Variants in LRRC49 observed in about 807,000 individuals in gnomAD.
LRRC49 encodes leucine-rich repeat-containing protein 49.
Under a neutral mutation model 83.3 loss-of-function variants are expected in LRRC49, and 50 were observed. The observed-to-expected ratio is 0.60, with a 90% CI of 0.48 to 0.76. LRRC49 has a LOEUF of 0.76. LRRC49 is among the 30% of genes least tolerant of loss of function. The pLI is 0.00. For missense variants in LRRC49, 704 were observed against 809.1 expected (o/e 0.87, Z 1.58); for synonymous variants, 286 against 283.3 (o/e 1.01, Z -0.10).
intron 8 of LRRC49, among the ~76,000 whole-genome samples, chr15:70,937,918 G>A (rs969962315): frequency 1.3e-5 from 2 of 152,062 alleles, no homozygotes; most frequent in Admixed American, 1.3e-4. Context: ...TGGGGAGGCA[G>A]AATTTCTTTT....
At chr15:71,011,993 A>G (rs1348930822) in intron 13 of LRRC49, among the ~76,000 whole-genome samples, 1 of 152,114 alleles carries the variant, frequency 6.6e-6, no homozygotes, top group Non-Finnish European at 1.5e-5. Flanking sequence ...GCATTGTGAC[A>G]TGTTTAACAG....
chr15:70,955,511 G>A (rs1596063924), intron 8 of LRRC49, among the ~76,000 whole-genome samples: 1 of 152,292 alleles, frequency 6.6e-6, no homozygotes, highest in Non-Finnish European at 1.5e-5. Context: ...TTGCTCTTAG[G>A]GTCCCAGATT....
chr15:71,032,015 C>T (rs1473160275), intron 14 of LRRC49, among the ~76,000 whole-genome samples: 1 of 152,134 alleles, frequency 6.6e-6, no homozygotes, highest in African/African-American at 2.4e-5. Context: ...TTCTGTCTCA[C>T]TGGGGTTCCA....
intron 8 of LRRC49, among the ~76,000 whole-genome samples, chr15:70,949,599 A>G (rs1596056679): frequency 6.6e-6 from 1 of 152,134 alleles, no homozygotes; most frequent in African/African-American, 2.4e-5. Context: ...AAATCCACCA[A>G]TGCTCCCCAA....
chr15:71,043,166 T>C (rs2039748743), intron 15 of LRRC49, among the ~76,000 whole-genome samples: 1 of 152,214 alleles, frequency 6.6e-6, no homozygotes, highest in African/African-American at 2.4e-5. Context: ...TAATAGAAGA[T>C]GCTTAATCCT....
chr15:70,892,206 A>G (rs2033609036), upstream of LRRC49: 3 of 1,602,870 alleles, frequency 1.9e-6, no homozygotes, highest in Non-Finnish European at 2.6e-6. Context: ...TCCTTGGGAA[A>G]GCGGAACAGC....
chr15:71,029,920 T>A (rs961118725), intron 14 of LRRC49, among the ~76,000 whole-genome samples: 1 of 152,166 alleles, frequency 6.6e-6, no homozygotes, highest in Non-Finnish European at 1.5e-5. Flanking sequence ...TGTCTCTGCA[T>A]GTGAGATGGG....
At chr15:71,006,359 C>G (rs1475277260) in intron 11 of LRRC49, among the ~76,000 whole-genome samples, 1 of 152,120 alleles carries the variant, frequency 6.6e-6, no homozygotes, top group African/African-American at 2.4e-5. Flanking sequence ...GGAGCAACAT[C>G]ATTTCCCAAA....
intron 11 of LRRC49, among the ~76,000 whole-genome samples, chr15:70,995,483 G>C (rs563504199): frequency 1.3e-5 from 2 of 152,252 alleles, no homozygotes; most frequent in South Asian, 4.1e-4. Flanking sequence ...AGAGAGATCC[G>C]TTGAAGCCAT....
At chr15:70,882,989 C>T in intron 2 of LRRC49, 6 of 1,456,426 alleles carry the variant, frequency 4.1e-6, no homozygotes, top group African/African-American at 1.4e-5. Flanking sequence ...AGTAGTAAGA[C>T]AGTATAGCTG....
chr15:70,896,864 T>C (rs2033862313), intron 3 of LRRC49, among the ~76,000 whole-genome samples: 1 of 152,188 alleles, frequency 6.6e-6, no homozygotes, highest in Non-Finnish European at 1.5e-5. Context: ...ATCTTTTCTC[T>C]TTCCTACATT....
intron 1 of LRRC49, among the ~76,000 whole-genome samples, chr15:70,856,744 T>C (rs1350235188): frequency 1.3e-5 from 2 of 152,172 alleles, no homozygotes; most frequent in Non-Finnish European, 2.9e-5. Context: ...CAGTGAGGCT[T>C]AGAGGGAAGG....
chr15:71,023,239 A>G (rs963669140), intron 14 of LRRC49, among the ~76,000 whole-genome samples: 2 of 152,248 alleles, frequency 1.3e-5, no homozygotes, highest in African/African-American at 4.8e-5. Context: ...TCTCACCAAG[A>G]TAGCAAAAGA....
intron 14 of LRRC49, among the ~76,000 whole-genome samples, chr15:71,013,219 G>A (rs1348985414): frequency 6.6e-6 from 1 of 152,116 alleles, no homozygotes; most frequent in Non-Finnish European, 1.5e-5. Flanking sequence ...TCACAAAGGA[G>A]AAAACATTTT....
At chr15:70,892,693 C>G, upstream of LRRC49, 1 of 1,458,206 alleles carries the variant, frequency 6.9e-7, no homozygotes, top group Non-Finnish European at 9.0e-7. Flanking sequence ...TGGTGACGCA[C>G]TGGGCTCTCA....
At chr15:70,890,995 A>G (rs1344102781), upstream of LRRC49, among the ~76,000 whole-genome samples, 1 of 152,182 alleles carries the variant, frequency 6.6e-6, no homozygotes, top group Non-Finnish European at 1.5e-5. Context: ...TTAAATACCC[A>G]CCCCAATGTA....
intron 9 of LRRC49, among the ~76,000 whole-genome samples, chr15:70,979,188 A>T (rs1272136475): frequency 6.6e-6 from 1 of 152,108 alleles, no homozygotes; most frequent in Non-Finnish European, 1.5e-5. Flanking sequence ...TATAACCTTT[A>T]AAAAAATTGC....
chr15:71,047,043 T>C lies in LRRC49; in HGVS notation c.1858-2366T>C, dbSNP rs1483105433. On this transcript the variant is annotated intron_variant, in intron 15 of 15. Transcript: ENST00000260382. ...TGAGTTTTCTATTCTGTTCCATTGG[T>C]CGATGTATCTGTTTTTTACCAGTAC... Among the ~76,000 whole-genome samples the C allele has an allele frequency of 2.0e-5, 3 of 152,206 alleles. No homozygotes were observed. In the East Asian group the frequency reaches 5.8e-4, roughly 29 times the overall value.
chr15:71,029,375 T>A (rs1031551578), intron 14 of LRRC49, among the ~76,000 whole-genome samples: 2 of 152,202 alleles, frequency 1.3e-5, no homozygotes, highest in Non-Finnish European at 1.5e-5. Context: ...TTGATTGCAC[T>A]GTGGTGTGAG....
Sources: gnomAD v4.1 joint callset for allele counts (sites outside exome capture counted in the v4.1 genomes callset) on GRCh38, gnomAD v4.1.1 for gene constraint, MANE v1.5 for transcripts, NCBI Gene and HGNC (gene_info 2026-07-23, HGNC 2026-07-21) for gene names.